Variants in MSANTD5 observed in about 807,000 individuals in gnomAD.
MSANTD5 encodes the protein uncharacterized protein MSANTD5.
At chr5:178,697,298 C>CAA (rs1212376009) in intron 1 of MSANTD5, among the ~76,000 whole-genome samples, 1 of 149,480 alleles carries the variant, frequency 6.7e-6, no homozygotes, top group Admixed American at 6.6e-5. Flanking sequence ...ACTAAAAATA[C>CAA]AAAAAATTAG....
At chr5:178,694,315 C>CAAAA (rs56778816), downstream of MSANTD5, among the ~76,000 whole-genome samples, 13 of 61,514 alleles carry the variant, frequency 2.1e-4, no homozygotes, top group Admixed American at 5.8e-4. Context: ...GACTCCATCT[C>CAAAA]AAAAAAAAAA....
chr5:178,704,519 G>A, the MSANTD5 span, among the ~76,000 whole-genome samples: 2 of 152,186 alleles, frequency 1.3e-5, no homozygotes. Context: ...TCCGCAATGT[G>A]AGAAATACAT....
chr5:178,707,024 G>A, the MSANTD5 span: 1 of 152,154 alleles, frequency 6.6e-6, no homozygotes, highest in Non-Finnish European at 1.5e-5. Context: ...CGTCTCTCCA[G>A]ATTTCACAGT....
At chr5:178,698,043 G>A (rs1581734059), upstream of MSANTD5, among the ~76,000 whole-genome samples, 2 of 152,190 alleles carry the variant, frequency 1.3e-5, no homozygotes, top group South Asian at 4.1e-4. Flanking sequence ...CCCTGAGTTC[G>A]TGCTGAATGG....
chr5:178,692,817 G>C (rs1765370496), downstream of MSANTD5, among the ~76,000 whole-genome samples: 1 of 151,866 alleles, frequency 6.6e-6, no homozygotes, highest in South Asian at 2.1e-4. Context: ...CCCTCATAAA[G>C]GGCAGTGAGA....
At chr5:178,694,585 CATTT>C (rs1283839474), downstream of MSANTD5, 3 of 152,224 alleles carry the variant, frequency 2.0e-5, no homozygotes, top group Non-Finnish European at 4.4e-5. Flanking sequence ...ATTTATTTCA[CATTT>C]ATTCTCATTG....
intron 1 of MSANTD5, among the ~76,000 whole-genome samples, chr5:178,697,095 A>C (rs937116875): frequency 6.6e-6 from 1 of 152,130 alleles, no homozygotes; most frequent in Non-Finnish European, 1.5e-5. Context: ...ACTAACAAAG[A>C]TTCAAAACGA....
chr5:178,699,477 G>C, upstream of MSANTD5, among the ~76,000 whole-genome samples: 1 of 148,630 alleles, frequency 6.7e-6, no homozygotes. Flanking sequence ...ACCCAAGCTG[G>C]AGTACAGTGA....
the MSANTD5 span, among the ~76,000 whole-genome samples, chr5:178,703,266 G>T: frequency 6.6e-6 from 1 of 152,230 alleles, no homozygotes; most frequent in Non-Finnish European, 1.5e-5. Flanking sequence ...CACGGGCAGG[G>T]TCCCGTGTCA....
chr5:178,695,698 G>T (rs1765405399), intron 2 of MSANTD5, 100 bp from the exon 3 acceptor site: 1 of 152,166 alleles, frequency 6.6e-6, no homozygotes, highest in African/African-American at 2.4e-5. Context: ...ACTTTATTCA[G>T]TTATGGGAGA....
At chr5:178,698,303 T>C (rs1273422004), upstream of MSANTD5, among the ~76,000 whole-genome samples, 1 of 151,986 alleles carries the variant, frequency 6.6e-6, no homozygotes, top group Non-Finnish European at 1.5e-5. Flanking sequence ...CAGAGGGATA[T>C]TGGAGGGTGG....
intron 1 of MSANTD5, among the ~76,000 whole-genome samples, chr5:178,697,304 A>T (rs867477139): frequency 1.4e-4 from 21 of 151,374 alleles, no homozygotes; most frequent in Middle Eastern, 3.4e-3. Context: ...AATACAAAAA[A>T]TTAGCCGGGC....
At chr5:178,693,378 G>C (rs900065368), downstream of MSANTD5, among the ~76,000 whole-genome samples, 1 of 151,934 alleles carries the variant, frequency 6.6e-6, no homozygotes, top group East Asian at 1.9e-4. Context: ...CTGACTTCAA[G>C]AATGAAGCCA....
chr5:178,696,743 G>A (rs1221637086), intron 1 of MSANTD5, among the ~76,000 whole-genome samples: 1 of 152,018 alleles, frequency 6.6e-6, no homozygotes, highest in Non-Finnish European at 1.5e-5. Flanking sequence ...AACTTGGGGA[G>A]AGTCTGCTGG....
the MSANTD5 span, among the ~76,000 whole-genome samples, chr5:178,703,193 G>A: frequency 2.6e-5 from 4 of 152,266 alleles, no homozygotes; most frequent in Admixed American, 2.6e-4. Context: ...CTGAGGAGCA[G>A]CAGGAGTGAG....
At chr5:178,703,508 G>A in the MSANTD5 span, among the ~76,000 whole-genome samples, 1 of 152,184 alleles carries the variant, frequency 6.6e-6, no homozygotes, top group African/African-American at 2.4e-5. Flanking sequence ...GCTTGGAGCT[G>A]CTTCTATTTT....
At chr5:178,701,342 T>G (rs892426243), upstream of MSANTD5, among the ~76,000 whole-genome samples, 3 of 151,960 alleles carry the variant, frequency 2.0e-5, no homozygotes, top group African/African-American at 7.3e-5. Context: ...AGTGTTTCAG[T>G]GTAAAAAATT....
the MSANTD5 span, among the ~76,000 whole-genome samples, chr5:178,705,261 T>C: frequency 6.6e-6 from 1 of 152,050 alleles, no homozygotes; most frequent in Non-Finnish European, 1.5e-5. Context: ...TTGGCCAGGA[T>C]GGTCTCGATC....
chr5:178,697,973 C>T (rs993441991), upstream of MSANTD5, among the ~76,000 whole-genome samples: 1 of 152,250 alleles, frequency 6.6e-6, no homozygotes, highest in Non-Finnish European at 1.5e-5. Flanking sequence ...TCTCTGAGAC[C>T]AGCATCTCCA....
Sources: allele counts gnomAD v4.1 joint callset (sites outside exome capture counted in the v4.1 genomes callset), GRCh38; gene constraint gnomAD v4.1.1; transcripts MANE v1.5; gene names NCBI Gene and HGNC (gene_info 2026-07-23, HGNC 2026-07-21).